Variants in HTT observed in about 807,000 individuals in gnomAD.
HTT encodes huntingtin.
In HTT, 104 loss-of-function variants were observed where a neutral mutation model predicts 362.3. That is an observed-to-expected ratio of 0.29 (90% confidence interval 0.24 to 0.34). The LOEUF is 0.34. HTT is among the 10% of genes least tolerant of loss of function. The pLI is 1.00. For synonymous variants in HTT, 1,577 were observed against 1,548.7 expected (o/e 1.02, Z -0.43); for missense variants, 3,301 against 3,928.6 (o/e 0.84, Z 4.27).
chr4:3,087,611 G>A (rs953638661), intron 2 of HTT, among the ~76,000 whole-genome samples: 2 of 152,146 alleles, frequency 1.3e-5, no homozygotes, highest in African/African-American at 4.8e-5. Flanking sequence ...GCTGTAGATG[G>A]TAAATATATT....
chr4:3,204,201 C>G, intron 42 of HTT, 53 bp downstream of exon 42: 1 of 1,597,256 alleles, frequency 6.3e-7, no homozygotes, highest in East Asian at 2.2e-5. Context: ...ACCAGGAGAA[C>G]ATCCTGTGTA....
Position 3,207,100 on chromosome 4 carries a change from C to T in HTT, c.6075+117C>T. On this transcript the variant is annotated intron_variant, in intron 44 of 66. Coordinates refer to ENST00000355072, the MANE Select transcript of HTT (RefSeq NM_001388492.1). Reference sequence around the variant, plus strand: ...GTCTTGACATGGTCACCGATAGAAACATGGAAACATCTGCAAACTTGCCGT... The same window carrying T: ...GTCTTGACATGGTCACCGATAGAAATATGGAAACATCTGCAAACTTGCCGT... 5 of 1,159,464 alleles carry T rather than the reference C, an allele frequency of 4.3e-6. No homozygotes were observed. The South Asian group carries it at 4.5e-5, about 11-fold the overall frequency. 71.8% of individuals were successfully genotyped at this position (1,159,464 alleles called of 1,614,324 possible).
At chr4:3,232,648 CA>C (rs1453689585) in intron 60 of HTT, among the ~76,000 whole-genome samples, 1 of 152,224 alleles carries the variant, frequency 6.6e-6, no homozygotes, top group Non-Finnish European at 1.5e-5. Context: ...ACAAAATCAG[CA>C]AAGAAAATTA....
intron 15 of HTT, 66 bp from the exon 16 acceptor site, chr4:3,131,572 G>C: frequency 6.3e-7 from 1 of 1,595,310 alleles, no homozygotes; most frequent in Non-Finnish European, 8.6e-7. Context: ...TATTGGGTCT[G>C]GTTTTGTTCA....
At chr4:3,187,957 A>G in intron 39 of HTT, 71 bp downstream of exon 39, 1 of 862,142 alleles carries the variant, frequency 1.2e-6, no homozygotes, top group Non-Finnish European at 1.9e-6. Context: ...CACAGTCAGT[A>G]AGTCTGGAAT....
At chr4:3,124,168 A>G (rs1184300315) in intron 10 of HTT, among the ~76,000 whole-genome samples, 1 of 152,240 alleles carries the variant, frequency 6.6e-6, no homozygotes, top group African/African-American at 2.4e-5. Flanking sequence ...GGATTCTAGG[A>G]AAAATTAATG....
chr4:3,226,458 A>G (rs1285516966), intron 57 of HTT, among the ~76,000 whole-genome samples: 1 of 152,118 alleles, frequency 6.6e-6, no homozygotes, highest in African/African-American at 2.4e-5. Flanking sequence ...GCAACAGACC[A>G]GTACTCTGTC....
At chr4:3,086,724 C>CA (rs1411040173) in intron 1 of HTT, among the ~76,000 whole-genome samples, 2 of 152,122 alleles carry the variant, frequency 1.3e-5, no homozygotes, top group East Asian at 3.8e-4. Context: ...TTAGTAACAT[C>CA]ATCTGTTTTT....
Position 3,147,507 on chromosome 4 carries a change from T to C in HTT, c.3296-498T>C, listed in dbSNP as rs545222741. On this transcript the variant is annotated intron_variant, in intron 25 of 66. Transcript: ENST00000355072. ...GAAGTTGCCAATCTCCATGAAAGAA[T>C]TGGGGCCTGTGCTATTTGCTTCAGG... Among the ~76,000 whole-genome samples the C allele has an allele frequency of 2.0e-5, 3 of 152,244 alleles. 1 individual carries two copies. Among genetic ancestry groups the C allele is most frequent in the African/African-American group, 7.2e-5 (3 of 41,554 alleles).
At chr4:3,237,399 C>G (rs1721589975) in intron 64 of HTT, among the ~76,000 whole-genome samples, 2 of 152,218 alleles carry the variant, frequency 1.3e-5, no homozygotes, top group South Asian at 4.1e-4. Context: ...AAATGCACCT[C>G]TGCATCGTTC....
chr4:3,161,185 T>C (rs1489096597), intron 29 of HTT, among the ~76,000 whole-genome samples: 2 of 152,152 alleles, frequency 1.3e-5, no homozygotes, highest in East Asian at 3.8e-4. Flanking sequence ...GGTTTTCTGA[T>C]CTTGTGATAG....
intron 8 of HTT, among the ~76,000 whole-genome samples, chr4:3,118,438 T>C (rs547390742): frequency 6.6e-6 from 1 of 152,198 alleles, no homozygotes; most frequent in East Asian, 1.9e-4. Flanking sequence ...CCGTCACTTA[T>C]GGGCACGTGG....
chr4:3,083,296 G>C (rs1467258391), intron 1 of HTT, among the ~76,000 whole-genome samples: 4 of 152,086 alleles, frequency 2.6e-5, no homozygotes, highest in African/African-American at 9.7e-5. Context: ...TGTGGTGGGA[G>C]GATTGCCTGA....
chr4:3,215,062 T>C lies in HTT; in HGVS notation c.6953-48T>C, dbSNP rs1315232028. The stretch of plus-strand genomic sequence containing the variant: ...ATGTAAAATGTTGAATAAAAAGCAC[T>C]GATGGAAGTGTGTAGAAATTCTTCT... On this transcript the variant is annotated intron_variant, in intron 50 of 66. Coordinates refer to ENST00000355072, the MANE Select transcript of HTT (RefSeq NM_001388492.1). 5.6e-6 allele frequency: 8 copies of C among 1,429,886 alleles called. No individual in the cohort carries two copies. The Admixed American group carries it at 1.2e-4, about 22-fold the overall frequency. The allele number at this position is 1,429,886 out of a possible 1,614,324, so 88.6% of individuals were successfully genotyped here.
At chr4:3,099,445 T>C in intron 3 of HTT, 51 bp downstream of exon 3, 1 of 1,606,038 alleles carries the variant, frequency 6.2e-7, no homozygotes, top group East Asian at 2.2e-5. Context: ...TGTTGTAGGC[T>C]GAGAGAAGAA....
chr4:3,239,802 C>T, intron 66 of HTT, 44 bp from the exon 67 acceptor site: 2 of 1,409,906 alleles, frequency 1.4e-6, no homozygotes, highest in Non-Finnish European at 9.8e-7. Flanking sequence ...AGGGAGGCAG[C>T]ATTCCCCTCA....
At chr4:3,179,909 A>G (rs566963951) in intron 35 of HTT, among the ~76,000 whole-genome samples, 1 of 150,664 alleles carries the variant, frequency 6.6e-6, no homozygotes, top group South Asian at 2.1e-4. Context: ...CAGTGTTCCT[A>G]TGTGCTCATG....
intron 40 of HTT, among the ~76,000 whole-genome samples, chr4:3,191,889 T>A (rs1719027767): frequency 6.6e-6 from 1 of 152,210 alleles, no homozygotes; most frequent in Non-Finnish European, 1.5e-5. Flanking sequence ...CAACAGTCTT[T>A]CAGTTGCAGG....
intron 37 of HTT, among the ~76,000 whole-genome samples, 184 bp from the exon 38 acceptor site, chr4:3,186,413 A>G (rs1017555964): frequency 5.3e-5 from 8 of 152,214 alleles, no homozygotes; most frequent in African/African-American, 1.9e-4. Flanking sequence ...GGAAAAATGT[A>G]GCTATACAGT....
Sources: gnomAD v4.1 joint callset for allele counts (sites outside exome capture counted in the v4.1 genomes callset) on GRCh38, gnomAD v4.1.1 for gene constraint, MANE v1.5 for transcripts, NCBI Gene and HGNC (gene_info 2026-07-23, HGNC 2026-07-21) for gene names.